ADAMTS3: variants seen among roughly 807,000 people sequenced by gnomAD.
ADAMTS3 encodes the protein ADAM metallopeptidase with thrombospondin type 1 motif 3.
ADAMTS3 carries 73 observed loss-of-function variants against 129.0 expected under a neutral mutation model. That is an observed-to-expected ratio of 0.57 (90% CI 0.47 to 0.69). ADAMTS3 has a LOEUF of 0.69. ADAMTS3 is among the 30% of genes least tolerant of loss of function. The pLI, the probability that ADAMTS3 is intolerant of heterozygous loss-of-function variation, is 0.00. For missense variants in ADAMTS3, 1,457 were observed against 1,514.5 expected, an observed-to-expected ratio of 0.96 and a Z score of 0.63; for synonymous variants, 477 against 510.8, an observed-to-expected ratio of 0.93 and a Z score of 0.89.
At chr4:72,310,739 A>T (rs546323363) in intron 14 of ADAMTS3, among the ~76,000 whole-genome samples, 1 of 152,262 alleles carries the variant, frequency 6.6e-6, no homozygotes, top group African/African-American at 2.4e-5. Flanking sequence ...GCAGATGGCT[A>T]CTAAAATACC....
chr4:72,530,477 T>TATATAAATATATAAAA (rs1272803506), intron 3 of ADAMTS3, among the ~76,000 whole-genome samples: 7 of 89,436 alleles, frequency 7.8e-5, no homozygotes, highest in African/African-American at 2.8e-4. Flanking sequence ...ATTAATTTAA[T>TATATAAATATATAAAA]ATATAAATAT....
chr4:72,377,298 A>G lies in ADAMTS3; in HGVS notation c.661+37517T>C, dbSNP rs140362536. Among the ~76,000 whole-genome samples, 205 of 152,308 alleles carry G rather than the reference A, an allele frequency of 1.3e-3. 1 individual carries two copies. The East Asian group carries it at 0.029, about 22-fold the overall frequency. On this transcript the variant is annotated intron_variant, in intron 4 of 21. Transcript: ENST00000286657. ...ACAAACATCTACCCAAATCTTTCCA[A>G]TACAAATCCTGGACTTAGCAGTCAT...
At chr4:72,379,792 T>A (rs542536776) in intron 4 of ADAMTS3, among the ~76,000 whole-genome samples, 2 of 152,218 alleles carry the variant, frequency 1.3e-5, no homozygotes, top group South Asian at 4.1e-4. Context: ...CTTACAGGAT[T>A]ACTGTAAGGA....
chr4:72,307,636 T>G (rs1388108822), intron 15 of ADAMTS3, among the ~76,000 whole-genome samples: 1 of 152,054 alleles, frequency 6.6e-6, no homozygotes, highest in East Asian at 1.9e-4. Context: ...GAAGTCACAA[T>G]GCATTTGTAA....
intron 3 of ADAMTS3, among the ~76,000 whole-genome samples, chr4:72,441,357 C>T (rs1285014777): frequency 6.6e-6 from 1 of 151,682 alleles, no homozygotes; most frequent in Non-Finnish European, 1.5e-5. Flanking sequence ...TTCTTGTGCA[C>T]ATTTTAAAAA....
rs73824523 is a variant in ADAMTS3 at position 72,294,760 on chromosome 4, C to T, written c.2723+894G>A. ...AACTGAGAATCAGAATGGCAACTGA[C>T]TTTTCAACAGCAACACTTGAGTGTA... On this transcript the variant is annotated intron_variant, in intron 19 of 21. Coordinates refer to ENST00000286657, the MANE Select transcript of ADAMTS3 (RefSeq NM_014243.3). Among the ~76,000 whole-genome samples the T allele has an allele frequency of 2.3e-3, 344 of 152,120 alleles. 1 individual carries two copies. Among genetic ancestry groups the T allele is most frequent in the African/African-American group, 7.9e-3 (329 of 41,530 alleles).
intron 3 of ADAMTS3, among the ~76,000 whole-genome samples, chr4:72,476,000 C>G (rs1048853027): frequency 1.3e-5 from 2 of 151,822 alleles, no homozygotes; most frequent in African/African-American, 4.8e-5. Flanking sequence ...TTACAGCATG[C>G]AATACATACA....
intron 3 of ADAMTS3, among the ~76,000 whole-genome samples, chr4:72,479,957 C>T (rs1719379497): frequency 6.6e-6 from 1 of 152,214 alleles, no homozygotes; most frequent in South Asian, 2.1e-4. Context: ...CTCATCATCA[C>T]TGGCCATCAG....
At chr4:72,467,999 A>G (rs891991168) in intron 3 of ADAMTS3, among the ~76,000 whole-genome samples, 1 of 151,980 alleles carries the variant, frequency 6.6e-6, no homozygotes, top group Non-Finnish European at 1.5e-5. Context: ...AAGGTTATAA[A>G]CTCTGGACCA....
chr4:72,505,962 G>C (rs2110028912), intron 3 of ADAMTS3, among the ~76,000 whole-genome samples: 1 of 152,330 alleles, frequency 6.6e-6, no homozygotes, highest in East Asian at 1.9e-4. Context: ...TGAACAAAAA[G>C]AGTGGGGCAA....
At chr4:72,347,077 T>C (rs1044670036) in intron 4 of ADAMTS3, among the ~76,000 whole-genome samples, 2 of 152,050 alleles carry the variant, frequency 1.3e-5, no homozygotes, top group Non-Finnish European at 1.5e-5. Flanking sequence ...AATATAACAA[T>C]GTAGGTGTTT....
At chr4:72,555,520 A>T (rs1253049624) in intron 2 of ADAMTS3, among the ~76,000 whole-genome samples, 8 of 151,804 alleles carry the variant, frequency 5.3e-5, no homozygotes, top group African/African-American at 1.9e-4. Flanking sequence ...GAGCTTCCAT[A>T]GCACTCCCTG....
At chr4:72,391,832 G>A (rs186598232) in intron 4 of ADAMTS3, among the ~76,000 whole-genome samples, 64 of 152,060 alleles carry the variant, frequency 4.2e-4, no homozygotes, top group Non-Finnish European at 6.6e-4. Flanking sequence ...ATGACAACCT[G>A]TCAAGGCTAT....
At chr4:72,491,780 C>T (rs2110015571) in intron 3 of ADAMTS3, among the ~76,000 whole-genome samples, 1 of 151,870 alleles carries the variant, frequency 6.6e-6, no homozygotes, top group East Asian at 1.9e-4. Flanking sequence ...ATGCTGGCCT[C>T]ATAAAATGAG....
At chr4:72,365,148 A>G (rs1720838333) in intron 4 of ADAMTS3, among the ~76,000 whole-genome samples, 1 of 152,230 alleles carries the variant, frequency 6.6e-6, no homozygotes, top group Non-Finnish European at 1.5e-5. Flanking sequence ...ATCTTCTACC[A>G]TATCTGAACA....
At chr4:72,285,658 T>C (rs1201365062) in intron 21 of ADAMTS3, among the ~76,000 whole-genome samples, 3 of 151,922 alleles carry the variant, frequency 2.0e-5, no homozygotes, top group South Asian at 4.1e-4. Flanking sequence ...GGCCAGAATT[T>C]ACTTTTGTGT....
intron 2 of ADAMTS3, 102 bp downstream of exon 2, chr4:72,567,272 A>T: frequency 8.6e-7 from 1 of 1,157,616 alleles, no homozygotes; most frequent in Non-Finnish European, 1.3e-6. Flanking sequence ...TATTTTTTTT[A>T]ACCACCAGTG....
rs33967517 is a variant in ADAMTS3 at position 72,288,923 on chromosome 4, T to TACACACACACACACAC, written c.2932-71_2932-56dup. The TACACACACACACACAC allele has an allele frequency of 2.7e-4, 120 of 452,752 alleles. 1 individual carries two copies. The highest frequency in any genetic ancestry group is 5.8e-4 in the South Asian group (22 of 38,082). The allele number at this position is 452,752 out of a possible 1,614,324, so 28.0% of individuals were successfully genotyped here. Reference sequence around the variant, plus strand: ...ATTTATTGCACCAAGACCATGCACATACACACACACACACACACACACACA... The same window carrying TACACACACACACACAC: ...ATTTATTGCACCAAGACCATGCACATACACACACACACACACACACACACACACACACACACACACA... On this transcript the variant is annotated intron_variant, in intron 20 of 21. Coordinates refer to ENST00000286657, the MANE Select transcript of ADAMTS3 (RefSeq NM_014243.3).
At chr4:72,532,491 GCACACACACACACA>G (rs35399046) in intron 3 of ADAMTS3, among the ~76,000 whole-genome samples, 2 of 148,678 alleles carry the variant, frequency 1.3e-5, no homozygotes, top group African/African-American at 4.9e-5. Flanking sequence ...AATTTAATAT[GCACACACACACACA>G]CACACACACA....
Sources: allele counts gnomAD v4.1 joint callset (sites outside exome capture counted in the v4.1 genomes callset), GRCh38; gene constraint gnomAD v4.1.1; transcripts MANE v1.5; gene names NCBI Gene and HGNC (gene_info 2026-07-23, HGNC 2026-07-21).